TFB1M: variants seen among roughly 807,000 people sequenced by gnomAD.
The protein encoded by TFB1M is transcription factor B1, mitochondrial.
A neutral mutation model predicts 31.1 loss-of-function variants in TFB1M; 27 were observed. The observed-to-expected ratio is 0.87, with a 90% CI of 0.64 to 1.20. TFB1M has a LOEUF of 1.20. TFB1M is among the 50% of genes most tolerant of loss of function. The pLI is 0.00. For synonymous variants in TFB1M, 166 were observed against 151.8 expected, an observed-to-expected ratio of 1.09 and a Z score of -0.69; for missense variants, 394 against 418.7, an observed-to-expected ratio of 0.94 and a Z score of 0.51.
intron 5 of TFB1M, among the ~76,000 whole-genome samples, chr6:155,265,192 C>G (rs1160772817): frequency 6.6e-6 from 1 of 152,188 alleles, no homozygotes; most frequent in African/African-American, 2.4e-5. Context: ...GGCTGCCCAG[C>G]CGGGCCATGG....
At chr6:155,260,760 A>C (rs1185253193) in intron 5 of TFB1M, 3 of 346,326 alleles carry the variant, frequency 8.7e-6, no homozygotes, top group African/African-American at 6.4e-5. Flanking sequence ...GAATGAGGAA[A>C]AAAATAAGCC....
chr6:155,274,290 A>T (rs1435947195), intron 5 of TFB1M, among the ~76,000 whole-genome samples: 1 of 152,262 alleles, frequency 6.6e-6, no homozygotes, highest in East Asian at 1.9e-4. Flanking sequence ...TTCTCAAATA[A>T]GGCAGTAAGC....
intron 4 of TFB1M, among the ~76,000 whole-genome samples, chr6:155,285,482 T>C (rs1562406659): frequency 1.3e-5 from 2 of 152,224 alleles, no homozygotes; most frequent in Non-Finnish European, 2.9e-5. Context: ...GAAATGTGAA[T>C]TATGTCATAT....
At chr6:155,272,944 A>G (rs1316604187) in intron 5 of TFB1M, among the ~76,000 whole-genome samples, 1 of 152,220 alleles carries the variant, frequency 6.6e-6, no homozygotes, top group Non-Finnish European at 1.5e-5. Context: ...CTGAACATAG[A>G]TTGACAACAA....
intron 5 of TFB1M, among the ~76,000 whole-genome samples, chr6:155,278,560 C>A (rs1229372649): frequency 6.6e-6 from 1 of 152,160 alleles, no homozygotes; most frequent in African/African-American, 2.4e-5. Context: ...CTAACACATG[C>A]CAGTCCTGGC....
chr6:155,311,427 C>T, intron 1 of TFB1M, 88 bp from the exon 2 acceptor site: 1 of 1,084,846 alleles, frequency 9.2e-7, no homozygotes. Context: ...TATAAAAATT[C>T]AGCCATTACC....
At chr6:155,254,347 C>T (rs962430199), downstream of TFB1M, 20 of 1,561,652 alleles carry the variant, frequency 1.3e-5, no homozygotes, top group East Asian at 3.6e-4. Context: ...CACAGGAACA[C>T]AGGCGGGCGT....
downstream of TFB1M, chr6:155,251,894 T>C (rs377106927): frequency 2.8e-6 from 4 of 1,441,590 alleles, no homozygotes; most frequent in African/African-American, 5.7e-5. Context: ...AGTTTAACCT[T>C]GGAAGAGTTT....
At chr6:155,269,870 A>G (rs1020487840) in intron 5 of TFB1M, among the ~76,000 whole-genome samples, 1 of 152,258 alleles carries the variant, frequency 6.6e-6, no homozygotes, top group Non-Finnish European at 1.5e-5. Flanking sequence ...CAGTTTCTGA[A>G]TTCATTCATT....
rs748584542 is a variant in TFB1M at position 155,311,172 on chromosome 6, A to C, written c.285+16T>G. ...TCAGCTTTTGCCTCCTAAAGCAGACACTTTAAGCATCTCACCTGTAATCCA... is the reference window on the plus strand; with the variant it reads ...TCAGCTTTTGCCTCCTAAAGCAGACCCTTTAAGCATCTCACCTGTAATCCA... On this transcript the variant is annotated intron_variant, in intron 2 of 6. Transcript: ENST00000367166. The C allele has an allele frequency of 8.7e-6, 14 of 1,613,892 alleles. No individual in the cohort carries two copies. The highest frequency in any genetic ancestry group is 1.2e-5 in the Non-Finnish European group (14 of 1,179,798).
At chr6:155,269,363 C>A (rs1418330746) in intron 5 of TFB1M, among the ~76,000 whole-genome samples, 2 of 140,362 alleles carry the variant, frequency 1.4e-5, no homozygotes, top group East Asian at 2.2e-4. Context: ...GCTCTGTCAC[C>A]CAGGCTGGAG....
Position 155,314,398 on chromosome 6 carries a change from G to T in TFB1M, c.31C>A (p.Arg11Ser). 1 of 1,614,242 alleles carries T rather than the reference G, an allele frequency of 6.2e-7. No individual in the cohort carries two copies. The highest frequency in any genetic ancestry group is 1.3e-5 in the African/African-American group (1 of 75,068). MAASGKLSTC[R>S]LPPLPTIREI... ...CGAATCGTGGGCAACGGAGGGAGAC[G>T]GCAAGTGCTGAGTTTTCCGGAGGCA... The change falls in exon 1 of 7, where the codon CGT (arginine) becomes AGT (serine). Residue 11 changes from arginine (R) to serine (S), a missense_variant. By Grantham distance (110) the Arg-to-Ser change is moderately radical. Coordinates refer to ENST00000367166, the MANE Select transcript of TFB1M (RefSeq NM_016020.4).
intron 4 of TFB1M, 112 bp downstream of exon 4, chr6:155,296,841 G>T: frequency 1.9e-6 from 2 of 1,036,710 alleles, no homozygotes; most frequent in Non-Finnish European, 2.9e-6. Context: ...GTTCTTGTGT[G>T]TGTAATAAGA....
At chr6:155,307,228 A>G (rs1466340391) in intron 2 of TFB1M, among the ~76,000 whole-genome samples, 1 of 152,120 alleles carries the variant, frequency 6.6e-6, no homozygotes, top group African/African-American at 2.4e-5. Context: ...TTTACTGAGC[A>G]TCAACTGTAT....
the TFB1M span, chr6:155,244,802 G>T: frequency 1.9e-6 from 3 of 1,582,800 alleles, no homozygotes; most frequent in Non-Finnish European, 2.6e-6. Flanking sequence ...CTCAGATTTA[G>T]GCTTAAAGTA....
the TFB1M span, among the ~76,000 whole-genome samples, chr6:155,230,020 A>G: frequency 6.6e-6 from 1 of 152,060 alleles, no homozygotes; most frequent in Non-Finnish European, 1.5e-5. Context: ...TTACAATTCA[A>G]GGTGAGATTT....
chr6:155,285,252 T>C lies in TFB1M; in HGVS notation c.572A>G (p.Lys191Arg). 1 of 1,614,060 alleles carries C rather than the reference T, an allele frequency of 6.2e-7. No individual in the cohort carries two copies. Among genetic ancestry groups the C allele is most frequent in the South Asian group, 1.1e-5 (1 of 91,078 alleles). ...CATAACAGAGAGGCGACTACGCTGT[T>C]TGCTTCCTGTATTGGCTGCAAGTCT... The part of the protein sequence containing the change: ...AERLAANTGS[K>R]QRSRLSVMAQ... The change falls in exon 5 of 7, where the codon AAA becomes AGA. Residue 191 changes from lysine (K) to arginine (R), a missense_variant. Transcript: ENST00000367166.
the TFB1M span, chr6:155,250,543 C>T: frequency 4.2e-5 from 64 of 1,535,538 alleles, no homozygotes; most frequent in Non-Finnish European, 5.3e-5. Context: ...ATCAGCAGCC[C>T]GAATGGAGCT....
intron 5 of TFB1M, among the ~76,000 whole-genome samples, chr6:155,270,074 AAAC>A (rs1400211118): frequency 6.6e-6 from 1 of 152,244 alleles, no homozygotes; most frequent in African/African-American, 2.4e-5. Flanking sequence ...GTCAGAAACA[AAAC>A]AACTTGTTGA....
Sources: allele counts gnomAD v4.1 joint callset (sites outside exome capture counted in the v4.1 genomes callset), GRCh38; gene constraint gnomAD v4.1.1; transcripts MANE v1.5; gene names NCBI Gene and HGNC (gene_info 2026-07-23, HGNC 2026-07-21).